KIAA1217: variants seen among roughly 807,000 people sequenced by gnomAD.
KIAA1217 encodes the protein KIAA1217, also known as sickle tail protein homolog.
Under a neutral mutation model 163.9 loss-of-function variants are expected in KIAA1217, and 88 were observed. That is an observed-to-expected ratio of 0.54 (90% CI 0.45 to 0.64). The LOEUF is 0.64. Among genes scored for constraint, KIAA1217 ranks in the 30% least tolerant of loss-of-function variants. The pLI, the probability that KIAA1217 is intolerant of heterozygous loss-of-function variation, is 0.00. For synonymous variants in KIAA1217, 903 were observed against 923.1 expected, an observed-to-expected ratio of 0.98 and a Z score of 0.39; for missense variants, 2,372 against 2,475.0, an observed-to-expected ratio of 0.96 and a Z score of 0.88.
chr10:24,179,414 C>G (rs1043631893), intron 2 of KIAA1217, among the ~76,000 whole-genome samples: 19 of 152,168 alleles, frequency 1.2e-4, no homozygotes, highest in African/African-American at 4.1e-4. Context: ...GTACCTCCCC[C>G]CTCACTTCCT....
At chr10:24,455,830 T>C (rs541393102) in intron 5 of KIAA1217, among the ~76,000 whole-genome samples, 1 of 152,350 alleles carries the variant, frequency 6.6e-6, no homozygotes, top group Non-Finnish European at 1.5e-5. Context: ...GTCTTTTACA[T>C]ATAGCCTGAT....
chr10:24,331,400 T>A (rs2045650557), intron 2 of KIAA1217, among the ~76,000 whole-genome samples: 1 of 152,228 alleles, frequency 6.6e-6, no homozygotes, highest in South Asian at 2.1e-4. Context: ...GCAGCATTAA[T>A]GAAGTTGAAT....
intron 2 of KIAA1217, among the ~76,000 whole-genome samples, chr10:24,062,735 A>C (rs1472231730): frequency 6.6e-6 from 1 of 151,892 alleles, no homozygotes; most frequent in Non-Finnish European, 1.5e-5. Context: ...CAATGGTTGA[A>C]CTAGTTTACA....
At chr10:24,114,110 A>G (rs932444107) in intron 2 of KIAA1217, among the ~76,000 whole-genome samples, 1 of 152,146 alleles carries the variant, frequency 6.6e-6, no homozygotes, top group African/African-American at 2.4e-5. Context: ...CACTTGAGTC[A>G]GCAGAGAGTT....
chr10:24,031,962 G>A (rs925888949), intron 2 of KIAA1217, among the ~76,000 whole-genome samples: 3 of 152,152 alleles, frequency 2.0e-5, no homozygotes, highest in African/African-American at 7.2e-5. Context: ...CATTAAATCA[G>A]AGCATTGGAA....
chr10:23,790,883 T>C (rs1233632001), intron 1 of KIAA1217, among the ~76,000 whole-genome samples: 1 of 151,854 alleles, frequency 6.6e-6, no homozygotes, highest in Non-Finnish European at 1.5e-5. Context: ...TACAGGGATG[T>C]GCCACCAGGC....
chr10:24,057,759 T>C (rs1312586317), intron 2 of KIAA1217, among the ~76,000 whole-genome samples: 3 of 152,210 alleles, frequency 2.0e-5, no homozygotes, highest in Admixed American at 6.5e-5. Context: ...TTAGGTTTTT[T>C]TGCTATTAAA....
At position 23,924,982 on chromosome 10, in the gene KIAA1217, C is replaced by T. The variant is rs1842968409; in HGVS notation, c.-320-82243C>T. ...AAAAAAAATCCAGTAGCCAAAATAG[C>T]ATTATTTTGAGAGATCTGGAAACTT... is the stretch of plus-strand genomic sequence containing the variant. On this transcript the variant is annotated intron_variant, in intron 1 of 18. Transcript: ENST00000376462. 2.0e-5 allele frequency among the ~76,000 whole-genome samples: 3 copies of T among 151,948 alleles called. No individual in the cohort carries two copies. The South Asian group carries it at 6.2e-4, about 32-fold the overall frequency.
intron 1 of KIAA1217, among the ~76,000 whole-genome samples, chr10:23,905,388 G>A (rs1411193621): frequency 1.3e-5 from 2 of 152,010 alleles, no homozygotes; most frequent in African/African-American, 4.8e-5. Flanking sequence ...GAGGAGCCTG[G>A]AGATGAAGGA....
intron 2 of KIAA1217, among the ~76,000 whole-genome samples, chr10:24,130,762 G>T (rs957007326): frequency 2.6e-5 from 4 of 152,062 alleles, no homozygotes; most frequent in Admixed American, 1.3e-4. Context: ...ACTGTGATTG[G>T]AATATGTGTT....
chr10:24,117,832 T>C (rs944383812), intron 2 of KIAA1217, among the ~76,000 whole-genome samples: 2 of 152,100 alleles, frequency 1.3e-5, no homozygotes, highest in African/African-American at 2.4e-5. Flanking sequence ...TGAAATGTGC[T>C]TCGCTGAAAA....
chr10:24,543,387 C>T lies in KIAA1217; in HGVS notation c.4117C>T (p.Pro1373Ser), dbSNP rs202208084. ...NEDGESSSSSPTEENAATDNI... is the reference protein window; with the variant it reads ...NEDGESSSSSSTEENAATDNI... ...GGATGGAGAATCAAGTTCAAGTTCTCCCACTGAAGAAAATGCAGCCACTGA... is the reference window on the plus strand; with the variant it reads ...GGATGGAGAATCAAGTTCAAGTTCTTCCACTGAAGAAAATGCAGCCACTGA... The change falls in exon 19 of 21, where the codon CCC becomes TCC. Residue 1373 changes from proline to serine, a missense_variant. This residue lies in a region of KIAA1217 where 251 missense variants were observed against 327.3 expected (regional missense o/e 0.77). Coordinates refer to ENST00000376454, the MANE Select transcript of KIAA1217 (RefSeq NM_019590.5). 1.9e-6 allele frequency: 3 copies of T among 1,614,166 alleles called. No individual in the cohort carries two copies. The highest frequency in any genetic ancestry group is 1.7e-6 in the Non-Finnish European group (2 of 1,180,034).
chr10:23,778,646 G>A lies in KIAA1217; in HGVS notation c.-321+83412G>A, dbSNP rs921048177. Among the ~76,000 whole-genome samples, 7 of 152,168 alleles carry A rather than the reference G, an allele frequency of 4.6e-5. No individual in the cohort carries two copies. In the East Asian group the frequency reaches 1.3e-3, roughly 29 times the overall value. On this transcript the variant is annotated intron_variant, in intron 1 of 18. Coordinates refer to the KIAA1217 transcript ENST00000376462. ...GTTGTAAGCAGGGACAAAAATTAAA[G>A]AAGCTGTTAGTAATCAAGTCCTGGC...
intron 2 of KIAA1217, among the ~76,000 whole-genome samples, chr10:24,142,595 A>G (rs2064134599): frequency 6.6e-6 from 1 of 152,212 alleles, no homozygotes. Flanking sequence ...ACACCCCTTG[A>G]ATCTATAAAA....
intron 2 of KIAA1217, among the ~76,000 whole-genome samples, chr10:24,078,529 T>C (rs929011268): frequency 2.0e-5 from 3 of 152,254 alleles, no homozygotes; most frequent in African/African-American, 7.2e-5. Context: ...CCAGCAATGC[T>C]GATGTGTGGG....
At chr10:24,287,735 G>A (rs961203131) in intron 2 of KIAA1217, among the ~76,000 whole-genome samples, 1 of 152,114 alleles carries the variant, frequency 6.6e-6, no homozygotes, top group Non-Finnish European at 1.5e-5. Flanking sequence ...TTAACTGAAT[G>A]AGACATCTGA....
At chr10:23,752,169 A>C (rs1415724739) in intron 1 of KIAA1217, among the ~76,000 whole-genome samples, 1 of 152,196 alleles carries the variant, frequency 6.6e-6, no homozygotes, top group African/African-American at 2.4e-5. Flanking sequence ...AACAGATTGA[A>C]TTTCACTGTG....
rs573107911 is a variant in KIAA1217 at position 24,091,774 on chromosome 10, G to A, written c.-171+84400G>A. On this transcript the variant is annotated intron_variant, in intron 2 of 18. Coordinates refer to the KIAA1217 transcript ENST00000376462. Reference sequence around the variant, plus strand: ...CTTCACCGCTGCTAGGCAAGCAAAGGTGCTCTACTGACACCCCCAAAACCC... The same window carrying A: ...CTTCACCGCTGCTAGGCAAGCAAAGATGCTCTACTGACACCCCCAAAACCC... Among the ~76,000 whole-genome samples, 19 of 151,872 alleles carry A rather than the reference G, an allele frequency of 1.3e-4. No individual in the cohort carries two copies. The South Asian group carries it at 4.0e-3, about 32-fold the overall frequency.
chr10:24,139,570 G>C (rs2063969127), intron 2 of KIAA1217, among the ~76,000 whole-genome samples: 1 of 152,088 alleles, frequency 6.6e-6, no homozygotes, highest in South Asian at 2.1e-4. Flanking sequence ...AAGGGCACAA[G>C]TTTGATGGTC....
Sources: gnomAD v4.1 joint callset for allele counts (sites outside exome capture counted in the v4.1 genomes callset) on GRCh38, gnomAD v4.1.1 for gene constraint, gnomAD v4.1.1 regional missense constraint, MANE v1.5 for transcripts, NCBI Gene and HGNC (gene_info 2026-07-23, HGNC 2026-07-21) for gene names.